DIP2C: variants seen among roughly 807,000 people sequenced by gnomAD.
DIP2C encodes the protein DIP2 acetate--CoA ligase C (putative).
A neutral mutation model predicts 192.4 loss-of-function variants in DIP2C; 33 were observed. The ratio of observed to expected loss-of-function variants is 0.17; its 90% CI spans 0.13 to 0.23. DIP2C has a LOEUF of 0.23. Among genes scored for constraint, DIP2C ranks in the 10% least tolerant of loss-of-function variants. The pLI is 1.00. For missense variants in DIP2C, 1,537 were observed against 2,110.1 expected (o/e 0.73, Z 5.32); for synonymous variants, 979 against 864.1 (o/e 1.13, Z -2.33).
intron 32 of DIP2C, among the ~76,000 whole-genome samples, chr10:303,034 T>C (rs1432375487): frequency 6.6e-6 from 1 of 152,148 alleles, no homozygotes; most frequent in Admixed American, 6.5e-5. Flanking sequence ...ACTTGTGAGC[T>C]AAGACAACAC....
chr10:583,944 G>C (rs915779425), intron 1 of DIP2C, among the ~76,000 whole-genome samples: 3 of 152,124 alleles, frequency 2.0e-5, no homozygotes, highest in Non-Finnish European at 2.9e-5. Flanking sequence ...GAGCAGCTTT[G>C]AGCAGCCACA....
intron 1 of DIP2C, among the ~76,000 whole-genome samples, chr10:587,805 C>G (rs377208064): frequency 1.8e-5 from 2 of 112,812 alleles, no homozygotes; most frequent in Admixed American, 8.6e-5. Flanking sequence ...CCTCAGCCCT[C>G]ACCCTCCTGA....
intron 1 of DIP2C, among the ~76,000 whole-genome samples, chr10:568,639 G>A (rs945758720): frequency 1.1e-4 from 17 of 151,650 alleles, no homozygotes; most frequent in Non-Finnish European, 2.2e-4. Context: ...GGTGGCACGC[G>A]CCTGTAGTCC....
chr10:365,323 A>G (rs1246204658), intron 19 of DIP2C, among the ~76,000 whole-genome samples: 2 of 152,218 alleles, frequency 1.3e-5, no homozygotes, highest in African/African-American at 4.8e-5. Context: ...GCTTGAGGCC[A>G]GGAGTTTGAG....
chr10:643,099 G>C (rs889890997), intron 1 of DIP2C, among the ~76,000 whole-genome samples: 4 of 152,078 alleles, frequency 2.6e-5, no homozygotes, highest in African/African-American at 9.7e-5. Context: ...AGCTACTTGG[G>C]GGCTGAGGCA....
chr10:613,087 C>T (rs761942599), intron 1 of DIP2C, among the ~76,000 whole-genome samples: 13 of 152,154 alleles, frequency 8.5e-5, no homozygotes, highest in Admixed American at 5.2e-4. Flanking sequence ...GGTCTAGGAC[C>T]GTTCTAAGGA....
chr10:439,581 G>T (rs2133261868), intron 4 of DIP2C, among the ~76,000 whole-genome samples: 1 of 152,232 alleles, frequency 6.6e-6, no homozygotes, highest in South Asian at 2.1e-4. Context: ...CTGCAATCAT[G>T]ACACTGAATT....
intron 1 of DIP2C, among the ~76,000 whole-genome samples, chr10:672,578 C>G (rs1588742353): frequency 6.6e-6 from 1 of 152,232 alleles, no homozygotes; most frequent in Non-Finnish European, 1.5e-5. Context: ...CACTTCACTT[C>G]GAATGAAAGC....
At chr10:582,850 A>C (rs937573678) in intron 1 of DIP2C, among the ~76,000 whole-genome samples, 1 of 152,324 alleles carries the variant, frequency 6.6e-6, no homozygotes, top group African/African-American at 2.4e-5. Context: ...TCTAATTGAG[A>C]AAATTATATA....
chr10:588,530 G>A (rs1423125974), intron 1 of DIP2C, among the ~76,000 whole-genome samples: 1 of 152,244 alleles, frequency 6.6e-6, no homozygotes, highest in Non-Finnish European at 1.5e-5. Flanking sequence ...CCTGCGGCTT[G>A]GGTCCCTGCC....
chr10:389,148 G>C (rs7905540), intron 13 of DIP2C, among the ~76,000 whole-genome samples: 4,543 of 150,484 alleles, frequency 0.03, 112 homozygotes, highest in African/African-American at 0.068. Context: ...AGGGGCATGG[G>C]GGTTCTCTGG....
chr10:291,846 T>A (rs1406110060), intron 32 of DIP2C, among the ~76,000 whole-genome samples: 1 of 152,226 alleles, frequency 6.6e-6, no homozygotes, highest in African/African-American at 2.4e-5. Flanking sequence ...ACCAAGGCGT[T>A]GCCTGGCACA....
chr10:286,461 C>A, intron 33 of DIP2C, 114 bp from the exon 34 acceptor site: 1 of 950,478 alleles, frequency 1.1e-6, no homozygotes, highest in Non-Finnish European at 1.7e-6. Context: ...GTTTAGAAAG[C>A]AATTAAATCA....
rs1254464481 is a variant in DIP2C, at chr10:415,890, T to TG, written c.740-3dup. 1 of 1,613,604 alleles carries TG rather than the reference T, an allele frequency of 6.2e-7. No homozygotes were observed. The highest frequency in any genetic ancestry group is 8.5e-7 in the Non-Finnish European group (1 of 1,179,868). On this transcript the variant is annotated splice_region_variant and splice_polypyrimidine_tract_variant and intron_variant, in intron 6 of 36. Transcript: ENST00000280886. ...ACACCCGGCTACTTACTGGTACTCCTGAAAAACAGGAATCAGCGGGTGGGG... is the reference window on the plus strand; with the variant it reads ...ACACCCGGCTACTTACTGGTACTCCTGGAAAAACAGGAATCAGCGGGTGGGG...
chr10:673,044 T>A (rs1262783275), intron 1 of DIP2C, among the ~76,000 whole-genome samples: 1 of 152,192 alleles, frequency 6.6e-6, no homozygotes, highest in Non-Finnish European at 1.5e-5. Context: ...AGCCTGTACC[T>A]GGTTAGAACC....
intron 1 of DIP2C, among the ~76,000 whole-genome samples, chr10:604,486 A>G (rs1852326112): frequency 6.6e-6 from 1 of 152,244 alleles, no homozygotes. Context: ...ACTTTCAAAA[A>G]AGCAACCAGA....
intron 1 of DIP2C, among the ~76,000 whole-genome samples, chr10:670,489 G>A (rs1035077035): frequency 1.3e-5 from 2 of 152,184 alleles, no homozygotes; most frequent in Non-Finnish European, 2.9e-5. Flanking sequence ...TGAGAATTGA[G>A]ATGGATGTTC....
At chr10:419,283 T>C (rs1057230653) in intron 5 of DIP2C, 84 bp from the exon 6 acceptor site, 1 of 1,588,484 alleles carries the variant, frequency 6.3e-7, no homozygotes, top group Non-Finnish European at 8.6e-7. Flanking sequence ...AGGAAGAGAC[T>C]GAAGCACAGG....
At chr10:441,138 T>C (rs1967695201) in intron 3 of DIP2C, 142 bp from the exon 4 acceptor site, 2 of 928,536 alleles carry the variant, frequency 2.2e-6, no homozygotes, top group Non-Finnish European at 3.1e-6. Flanking sequence ...AGAAAATCAG[T>C]GTTTACAATT....
Sources: allele counts gnomAD v4.1 joint callset (sites outside exome capture counted in the v4.1 genomes callset), GRCh38; gene constraint gnomAD v4.1.1; transcripts MANE v1.5; gene names NCBI Gene and HGNC (gene_info 2026-07-23, HGNC 2026-07-21).